COL22A1: variants seen among roughly 807,000 people sequenced by gnomAD.
The protein encoded by COL22A1 is collagen type XXII alpha 1 chain.
A neutral mutation model predicts 248.9 loss-of-function variants in COL22A1; 221 were observed. The ratio of observed to expected loss-of-function variants is 0.89; its 90% CI spans 0.80 to 0.99. The LOEUF is 0.99. COL22A1 is among the 50% of genes least tolerant of loss of function. The pLI is 0.00. For synonymous variants in COL22A1, 891 were observed against 793.4 expected (o/e 1.12, Z -2.07); for missense variants, 2,240 against 2,179.0 (o/e 1.03, Z -0.56).
At chr8:138,822,274 T>C (rs1340741074) in intron 6 of COL22A1, among the ~76,000 whole-genome samples, 1 of 152,196 alleles carries the variant, frequency 6.6e-6, no homozygotes, top group Non-Finnish European at 1.5e-5. Context: ...GGTCTCAAAC[T>C]CCTGACCTCA....
intron 48 of COL22A1, among the ~76,000 whole-genome samples, chr8:138,635,308 G>A (rs1334112158): frequency 1.3e-5 from 2 of 152,106 alleles, no homozygotes; most frequent in Admixed American, 1.3e-4. Flanking sequence ...CAGGGGGTGT[G>A]GAGAAATGGT....
intron 3 of COL22A1, among the ~76,000 whole-genome samples, chr8:138,868,178 T>C (rs778307625): frequency 6.6e-6 from 1 of 152,204 alleles, no homozygotes; most frequent in Admixed American, 6.5e-5. Context: ...CCAAAGATGA[T>C]GTTATGCAGT....
At chr8:138,888,992 A>C (rs1421147436) in intron 1 of COL22A1, among the ~76,000 whole-genome samples, 2 of 152,338 alleles carry the variant, frequency 1.3e-5, no homozygotes, top group Non-Finnish European at 2.9e-5. Flanking sequence ...GAATATAGGC[A>C]TCATCAAGGA....
intron 22 of COL22A1, among the ~76,000 whole-genome samples, chr8:138,738,659 C>T (rs1831314109): frequency 6.6e-6 from 1 of 152,128 alleles, no homozygotes; most frequent in Admixed American, 6.5e-5. Context: ...TGTTGCACAG[C>T]TAGTAAGGGG....
intron 15 of COL22A1, 85 bp downstream of exon 15, chr8:138,778,268 T>A: frequency 6.9e-7 from 1 of 1,451,052 alleles, no homozygotes; most frequent in Non-Finnish European, 9.7e-7. Flanking sequence ...ACTGTCTAGA[T>A]GCAGGTGGAG....
chr8:138,793,253 T>A (rs1816221408), intron 12 of COL22A1, among the ~76,000 whole-genome samples: 1 of 152,184 alleles, frequency 6.6e-6, no homozygotes, highest in Admixed American at 6.5e-5. Context: ...CTAGTCTCAA[T>A]GCATGAGTCA....
chr8:138,623,665 A>AC, intron 52 of COL22A1, 67 bp downstream of exon 52: 1 of 1,388,358 alleles, frequency 7.2e-7, no homozygotes, highest in Non-Finnish European at 1.0e-6. Context: ...CTCCTCACAC[A>AC]AAGTAGTTGT....
intron 16 of COL22A1, among the ~76,000 whole-genome samples, chr8:138,768,163 C>T (rs1391364327): frequency 6.6e-6 from 1 of 152,156 alleles, no homozygotes; most frequent in Non-Finnish European, 1.5e-5. Context: ...GTGGTCTCCC[C>T]AAAATCCATT....
intron 6 of COL22A1, among the ~76,000 whole-genome samples, chr8:138,824,783 A>ATTT (rs2131776320): frequency 6.6e-6 from 1 of 152,290 alleles, no homozygotes; most frequent in Admixed American, 6.5e-5. Context: ...TCTAGCCAGT[A>ATTT]TTTCCCCAGG....
chr8:138,690,082 A>G (rs1826705928), intron 36 of COL22A1, among the ~76,000 whole-genome samples: 2 of 152,234 alleles, frequency 1.3e-5, no homozygotes, highest in African/African-American at 4.8e-5. Context: ...GAATGAACAC[A>G]TGTAATGTGC....
chr8:138,715,517 C>T lies in COL22A1; in HGVS notation c.2517+165G>A, dbSNP rs548631504. 1.0e-4 allele frequency among the ~76,000 whole-genome samples: 14 copies of T among 137,718 alleles called. No homozygotes were observed. In the South Asian group the frequency reaches 1.8e-3, roughly 18 times the overall value. 90.3% of individuals were successfully genotyped at this position (137,718 alleles called of 152,430 possible). ...CCAGGAGGCAGAGGTTGCAGTGAGA[C>T]GAGATCATGCCACTGCACTCCCGCT... On this transcript the variant is annotated intron_variant, in intron 30 of 64. Coordinates refer to ENST00000303045, the MANE Select transcript of COL22A1 (RefSeq NM_152888.3).
chr8:138,861,103 G>T (rs1418540475), intron 3 of COL22A1, among the ~76,000 whole-genome samples: 1 of 152,114 alleles, frequency 6.6e-6, no homozygotes, highest in Non-Finnish European at 1.5e-5. Flanking sequence ...AACCACTTCT[G>T]CTGGTTTGCC....
chr8:138,733,247 T>A (rs1830843170), intron 23 of COL22A1, among the ~76,000 whole-genome samples: 1 of 152,226 alleles, frequency 6.6e-6, no homozygotes. Flanking sequence ...CCAATTTTCC[T>A]AAAAGGCTGC....
At chr8:138,688,493 C>T (rs913652531) in intron 37 of COL22A1, among the ~76,000 whole-genome samples, 1 of 151,916 alleles carries the variant, frequency 6.6e-6, no homozygotes, top group Admixed American at 6.6e-5. Context: ...TGCACTCCAG[C>T]CTCAGTGGCA....
At chr8:138,907,506 A>G (rs763048835) in intron 1 of COL22A1, among the ~76,000 whole-genome samples, 1 of 152,210 alleles carries the variant, frequency 6.6e-6, no homozygotes, top group Non-Finnish European at 1.5e-5. Context: ...AAATTTGTTG[A>G]TGCAAATTAA....
At chr8:138,684,342 G>C (rs80229288) in intron 39 of COL22A1, 83 bp downstream of exon 39, 2 of 869,284 alleles carry the variant, frequency 2.3e-6, no homozygotes, top group East Asian at 2.4e-5. Flanking sequence ...TGAGGTAACC[G>C]GAGATGCTTA....
At chr8:138,824,308 C>A (rs1022438311) in intron 6 of COL22A1, among the ~76,000 whole-genome samples, 1 of 152,130 alleles carries the variant, frequency 6.6e-6, no homozygotes, top group Non-Finnish European at 1.5e-5. Context: ...TTGTGTTTAC[C>A]AATACTAGCT....
intron 3 of COL22A1, among the ~76,000 whole-genome samples, chr8:138,856,560 G>A (rs1162561334): frequency 6.6e-6 from 1 of 151,700 alleles, no homozygotes; most frequent in African/African-American, 2.4e-5. Context: ...GAGACAGCAA[G>A]AGAGAGGGAC....
At chr8:138,697,449 C>T (rs1430197873) in intron 32 of COL22A1, among the ~76,000 whole-genome samples, 2 of 152,162 alleles carry the variant, frequency 1.3e-5, no homozygotes, top group African/African-American at 4.8e-5. Context: ...ACTGTAACTT[C>T]CCCAAGCACC....
Sources: gnomAD v4.1 joint callset for allele counts (sites outside exome capture counted in the v4.1 genomes callset) on GRCh38, gnomAD v4.1.1 for gene constraint, MANE v1.5 for transcripts, NCBI Gene and HGNC (gene_info 2026-07-23, HGNC 2026-07-21) for gene names.